The following GRIN3A variants were observed in gnomAD, a reference collection of about 807,000 sequenced individuals.
GRIN3A encodes glutamate ionotropic receptor NMDA type subunit 3A.
In GRIN3A, 47 loss-of-function variants were observed where a neutral mutation model predicts 92.4. The observed-to-expected ratio is 0.51, with a 90% CI of 0.40 to 0.65. The LOEUF is 0.65. Ranked by LOEUF, GRIN3A falls within the 30% of genes least tolerant of loss-of-function variation. The pLI, the probability that GRIN3A is intolerant of heterozygous loss-of-function variation, is 0.00. For synonymous variants in GRIN3A, 527 were observed against 540.6 expected (o/e 0.97, Z 0.35); for missense variants, 1,324 against 1,393.1 (o/e 0.95, Z 0.79).
At chr9:101,657,226 T>G (rs556438006) in intron 3 of GRIN3A, among the ~76,000 whole-genome samples, 24 of 152,074 alleles carry the variant, frequency 1.6e-4, no homozygotes, top group African/African-American at 3.1e-4. Flanking sequence ...TGAGCAACCC[T>G]GTTTCATGAG....
intron 3 of GRIN3A, among the ~76,000 whole-genome samples, chr9:101,656,432 T>C (rs35501099): frequency 6.6e-6 from 1 of 151,626 alleles, no homozygotes; most frequent in Non-Finnish European, 1.5e-5. Flanking sequence ...TAAGAGGGAA[T>C]AGAACCAATT....
chr9:101,636,147 T>C (rs1828782038), intron 3 of GRIN3A, among the ~76,000 whole-genome samples: 1 of 152,220 alleles, frequency 6.6e-6, no homozygotes, highest in African/African-American at 2.4e-5. Flanking sequence ...CCTCCCAAAG[T>C]ATTGGGATTA....
intron 6 of GRIN3A, chr9:101,594,730 G>A (rs1385146454): frequency 2.5e-6 from 4 of 1,613,722 alleles, no homozygotes; most frequent in Non-Finnish European, 3.4e-6. Flanking sequence ...CATCACCGTC[G>A]GTGTCGAAGA....
chr9:101,696,018 G>C (rs1042295033), intron 1 of GRIN3A, among the ~76,000 whole-genome samples: 1 of 152,140 alleles, frequency 6.6e-6, no homozygotes, highest in African/African-American at 2.4e-5. Flanking sequence ...GAGCTAAAGA[G>C]AAAGCCTACC....
intron 6 of GRIN3A, among the ~76,000 whole-genome samples, chr9:101,597,027 G>C (rs1486754410): frequency 6.6e-6 from 1 of 152,206 alleles, no homozygotes; most frequent in Non-Finnish European, 1.5e-5. Context: ...TGGGCCCATT[G>C]ACCTCTCTGT....
intron 6 of GRIN3A, among the ~76,000 whole-genome samples, chr9:101,606,921 T>TA (rs1395332946): frequency 1.4e-5 from 2 of 139,688 alleles, no homozygotes; most frequent in East Asian, 4.1e-4. Flanking sequence ...TTTTTTTTTT[T>TA]TTTTTTTTTG....
intron 3 of GRIN3A, among the ~76,000 whole-genome samples, chr9:101,654,734 T>A (rs1394211141): frequency 6.6e-6 from 1 of 151,880 alleles, no homozygotes; most frequent in Non-Finnish European, 1.5e-5. Context: ...TTTCTCTGAC[T>A]GTGTTCCTCA....
chr9:101,576,174 A>G (rs10081707), intron 8 of GRIN3A, among the ~76,000 whole-genome samples: 98,116 of 152,078 alleles, frequency 0.65, 31,983 homozygotes, highest in East Asian at 0.83. Context: ...AGAGTGTTAC[A>G]TGACCAGTGA....
At chr9:101,685,499 C>T (rs1157327040) in intron 2 of GRIN3A, among the ~76,000 whole-genome samples, 1 of 151,864 alleles carries the variant, frequency 6.6e-6, no homozygotes, top group East Asian at 1.9e-4. Flanking sequence ...AATCTTCTGA[C>T]TTGGCCTCTC....
intron 1 of GRIN3A, among the ~76,000 whole-genome samples, chr9:101,710,331 C>A (rs754931857): frequency 2.0e-5 from 3 of 152,184 alleles, no homozygotes; most frequent in African/African-American, 7.2e-5. Context: ...TACTGAGTCT[C>A]ATGCATACAC....
At chr9:101,579,132 A>G in intron 7 of GRIN3A, 64 bp downstream of exon 7, 1 of 1,544,832 alleles carries the variant, frequency 6.5e-7, no homozygotes, top group Non-Finnish European at 8.9e-7. Context: ...AGGGCTCTGG[A>G]TCCTCCCATC....
chr9:101,615,975 T>A (rs1305810160), intron 5 of GRIN3A, among the ~76,000 whole-genome samples: 1 of 152,228 alleles, frequency 6.6e-6, no homozygotes, highest in Non-Finnish European at 1.5e-5. Flanking sequence ...GGTGCCTATC[T>A]CAGTTGTAAT....
Position 101,654,296 on chromosome 9 carries a change from C to T in GRIN3A, c.2352+15764G>A, listed in dbSNP as rs543159530. ...ACATACACATGCACATATATATATA[C>T]CTATGCACACACATATCAAATATAC... On this transcript the variant is annotated intron_variant, in intron 3 of 8. Coordinates refer to ENST00000361820, the MANE Select transcript of GRIN3A (RefSeq NM_133445.3). 3.4e-5 allele frequency among the ~76,000 whole-genome samples: 5 copies of T among 145,900 alleles called. No homozygotes were observed. The Admixed American group carries it at 3.5e-4, about 10-fold the overall frequency.
intron 3 of GRIN3A, among the ~76,000 whole-genome samples, chr9:101,642,609 T>C (rs1828881221): frequency 6.6e-6 from 1 of 152,164 alleles, no homozygotes; most frequent in African/African-American, 2.4e-5. Context: ...GCAGGCCAAC[T>C]GGTCCATGGC....
intron 3 of GRIN3A, among the ~76,000 whole-genome samples, chr9:101,646,715 C>A (rs1828942856): frequency 6.6e-6 from 1 of 151,590 alleles, no homozygotes; most frequent in South Asian, 2.1e-4. Flanking sequence ...TTATAGTTTT[C>A]ATTCTAGAGA....
intron 1 of GRIN3A, among the ~76,000 whole-genome samples, chr9:101,727,787 T>A (rs1830097174): frequency 6.6e-6 from 1 of 151,148 alleles, no homozygotes; most frequent in Non-Finnish European, 1.5e-5. Context: ...CTTGTGAGAC[T>A]GGATTCCTAG....
intron 6 of GRIN3A, among the ~76,000 whole-genome samples, chr9:101,583,591 A>T (rs755001037): frequency 5.3e-5 from 8 of 152,160 alleles, no homozygotes; most frequent in African/African-American, 9.7e-5. Flanking sequence ...TTTAAAATAC[A>T]CTCAGGTGAT....
chr9:101,608,319 G>A (rs1348414739), intron 6 of GRIN3A, among the ~76,000 whole-genome samples: 3 of 152,154 alleles, frequency 2.0e-5, no homozygotes, highest in Non-Finnish European at 4.4e-5. Context: ...GCCTGGACAA[G>A]CACAACTTGA....
At chr9:101,650,822 C>G (rs1050079419) in intron 3 of GRIN3A, among the ~76,000 whole-genome samples, 2 of 151,874 alleles carry the variant, frequency 1.3e-5, no homozygotes, top group South Asian at 2.1e-4. Flanking sequence ...TCCACCCCCC[C>G]ACACACATTT....
Sources: gnomAD v4.1 joint callset for allele counts (sites outside exome capture counted in the v4.1 genomes callset) on GRCh38, gnomAD v4.1.1 for gene constraint, MANE v1.5 for transcripts, NCBI Gene and HGNC (gene_info 2026-07-23, HGNC 2026-07-21) for gene names.